The following IMMP2L variants were observed in gnomAD, a reference collection of about 807,000 sequenced individuals.
IMMP2L encodes the protein mitochondrial inner membrane protease subunit 2.
A neutral mutation model predicts 19.3 loss-of-function variants in IMMP2L; 18 were observed. The ratio of observed to expected loss-of-function variants is 0.93; its 90% CI spans 0.64 to 1.38. The LOEUF (loss-of-function observed/expected upper bound fraction) is 1.38, where lower values mean the gene tolerates loss of function less well. Ranked by LOEUF, IMMP2L falls within the 40% of genes most tolerant of loss-of-function variation. The pLI is 0.00. For synonymous variants in IMMP2L, 76 were observed against 73.0 expected, an observed-to-expected ratio of 1.04 and a Z score of -0.21; for missense variants, 233 against 218.2, an observed-to-expected ratio of 1.07 and a Z score of -0.43.
At chr7:111,025,483 T>C (rs1469521481) in intron 3 of IMMP2L, among the ~76,000 whole-genome samples, 4 of 152,180 alleles carry the variant, frequency 2.6e-5, no homozygotes, top group Non-Finnish European at 5.9e-5. Flanking sequence ...AGGTCATATA[T>C]TAGAAATATT....
At chr7:110,720,994 C>A (rs1795530887) in intron 5 of IMMP2L, among the ~76,000 whole-genome samples, 1 of 151,634 alleles carries the variant, frequency 6.6e-6, no homozygotes, top group African/African-American at 2.4e-5. Flanking sequence ...CCACCCCCTC[C>A]CCAGTCAGCA....
At chr7:111,523,360 A>C (rs1253875349) in intron 1 of IMMP2L, among the ~76,000 whole-genome samples, 1 of 152,116 alleles carries the variant, frequency 6.6e-6, no homozygotes, top group Non-Finnish European at 1.5e-5. Context: ...ATGTACATGT[A>C]CTTCAAAACA....
chr7:111,278,024 AC>A (rs1411567691), intron 3 of IMMP2L, among the ~76,000 whole-genome samples: 1 of 152,164 alleles, frequency 6.6e-6, no homozygotes, highest in Non-Finnish European at 1.5e-5. Context: ...TGGGAGCTAA[AC>A]AATGGGTACA....
chr7:110,920,990 A>G (rs1052851408), intron 4 of IMMP2L, among the ~76,000 whole-genome samples: 9 of 152,190 alleles, frequency 5.9e-5, no homozygotes, highest in Non-Finnish European at 1.3e-4. Flanking sequence ...TTCTGAGATC[A>G]TGACCTTTTT....
At chr7:111,224,905 G>C (rs1562944892) in intron 3 of IMMP2L, among the ~76,000 whole-genome samples, 2 of 152,026 alleles carry the variant, frequency 1.3e-5, no homozygotes, top group Non-Finnish European at 2.9e-5. Flanking sequence ...CTTCGATGAA[G>C]GAGTAAAAAT....
intron 3 of IMMP2L, among the ~76,000 whole-genome samples, chr7:111,181,614 T>C (rs1256893875): frequency 1.3e-5 from 2 of 152,020 alleles, no homozygotes; most frequent in Non-Finnish European, 2.9e-5. Flanking sequence ...AAGGTTCTCT[T>C]GCCCTAAAAT....
At chr7:111,364,629 G>T (rs1438207297) in intron 3 of IMMP2L, among the ~76,000 whole-genome samples, 115 of 145,392 alleles carry the variant, frequency 7.9e-4, no homozygotes, top group Non-Finnish European at 1.0e-3. Flanking sequence ...AGTGAGACTC[G>T]GTCTCAAAAA....
chr7:110,961,755 A>T (rs1406558094), intron 4 of IMMP2L, among the ~76,000 whole-genome samples: 1 of 151,946 alleles, frequency 6.6e-6, no homozygotes, highest in Non-Finnish European at 1.5e-5. Flanking sequence ...TAACATGCAC[A>T]ATATAGAGAA....
intron 3 of IMMP2L, among the ~76,000 whole-genome samples, chr7:111,021,611 G>A (rs1008410066): frequency 8.5e-5 from 13 of 152,196 alleles, no homozygotes; most frequent in African/African-American, 2.7e-4. Flanking sequence ...ATCTGGGCAC[G>A]GTGGCTGACG....
intron 5 of IMMP2L, among the ~76,000 whole-genome samples, chr7:110,844,917 T>C (rs943995274): frequency 2.6e-5 from 4 of 151,916 alleles, no homozygotes; most frequent in African/African-American, 9.7e-5. Context: ...ATTAAGAGGA[T>C]TGAAAGGGGA....
At chr7:111,189,393 A>G (rs1229211764) in intron 3 of IMMP2L, among the ~76,000 whole-genome samples, 3 of 151,690 alleles carry the variant, frequency 2.0e-5, no homozygotes, top group East Asian at 3.9e-4. Flanking sequence ...AAAAAATACT[A>G]CAAGGGCCTG....
intron 4 of IMMP2L, among the ~76,000 whole-genome samples, chr7:110,898,815 T>G (rs1357072232): frequency 6.7e-6 from 1 of 148,862 alleles, no homozygotes; most frequent in Admixed American, 6.6e-5. Context: ...TTGTTTTTTT[T>G]TTTTTTTAAA....
chr7:111,147,753 C>G (rs1005076969), intron 3 of IMMP2L, among the ~76,000 whole-genome samples: 11 of 151,994 alleles, frequency 7.2e-5, no homozygotes, highest in Non-Finnish European at 1.5e-4. Flanking sequence ...AAGTAAGGAC[C>G]TCCAAAAATC....
At chr7:111,117,028 C>T (rs1799959321) in intron 3 of IMMP2L, among the ~76,000 whole-genome samples, 1 of 152,036 alleles carries the variant, frequency 6.6e-6, no homozygotes, top group African/African-American at 2.4e-5. Flanking sequence ...AAGTAACTCT[C>T]TAGTTTGTTT....
chr7:111,123,160 G>C lies in IMMP2L; in HGVS notation c.240-159595C>G, dbSNP rs1051649493. ...GTACCTAGAGGAAAACAAACTTACT[G>C]AACTGCCTGAAAAATGTCTGTCCGA... On this transcript the variant is annotated intron_variant, in intron 3 of 5. Coordinates refer to ENST00000405709, the MANE Select transcript of IMMP2L (RefSeq NM_032549.4). The surrounding 1 kb of genome is among the most constrained non-coding windows in gnomAD (Gnocchi z 6.4). The C allele has an allele frequency of 6.2e-6, 10 of 1,613,796 alleles. No individual in the cohort carries two copies. The highest frequency in any genetic ancestry group is 5.0e-5 in the Admixed American group (3 of 59,936).
rs911256836 is a variant in IMMP2L, at chr7:111,415,112, T to C, written c.239+72126A>G. On this transcript the variant is annotated intron_variant, in intron 3 of 5. Coordinates refer to ENST00000405709, the MANE Select transcript of IMMP2L (RefSeq NM_032549.4). The stretch of plus-strand genomic sequence containing the variant: ...TCCTTAAAAGGGAGTGGGTCCTCCT[T>C]GAAGGATAAGCCTCAAAGCTTGAGA... Among the ~76,000 whole-genome samples, 13 of 151,978 alleles carry C rather than the reference T, an allele frequency of 8.6e-5. 1 individual carries two copies. The highest frequency in any genetic ancestry group is 3.1e-4 in the African/African-American group (13 of 41,296).
At chr7:110,680,135 A>G (rs986615195) in intron 5 of IMMP2L, among the ~76,000 whole-genome samples, 1 of 152,216 alleles carries the variant, frequency 6.6e-6, no homozygotes, top group East Asian at 1.9e-4. Flanking sequence ...TTGGTCTTCT[A>G]TGTAATCTTC....
chr7:111,487,494 T>G (rs758782202), intron 2 of IMMP2L, among the ~76,000 whole-genome samples, 153 bp from the exon 3 acceptor site: 4 of 152,086 alleles, frequency 2.6e-5, no homozygotes, highest in African/African-American at 9.7e-5. Context: ...AAATGATGAG[T>G]TTTCAAAAAG....
intron 5 of IMMP2L, among the ~76,000 whole-genome samples, chr7:110,667,200 T>C (rs962228157): frequency 6.6e-6 from 1 of 152,204 alleles, no homozygotes; most frequent in Non-Finnish European, 1.5e-5. Context: ...CTCCCCAGTA[T>C]AGTTATGTTA....
Sources: gnomAD v4.1 joint callset for allele counts (sites outside exome capture counted in the v4.1 genomes callset) on GRCh38, gnomAD v4.1.1 for gene constraint, Gnocchi (gnomAD v3.1) non-coding constraint, MANE v1.5 for transcripts, NCBI Gene and HGNC (gene_info 2026-07-23, HGNC 2026-07-21) for gene names.